The following FXN variants were observed in gnomAD, a reference collection of about 807,000 sequenced individuals.
FXN encodes the protein frataxin, mitochondrial.
In FXN, 14 loss-of-function variants were observed where a neutral mutation model predicts 22.4. That is an observed-to-expected ratio of 0.62 (90% confidence interval 0.41 to 0.98). FXN has a LOEUF of 0.98. Among genes scored for constraint, FXN ranks in the 50% least tolerant of loss-of-function variants. The pLI, the probability that FXN is intolerant of heterozygous loss-of-function variation, is 0.00. For synonymous variants in FXN, 120 were observed against 114.1 expected (o/e 1.05, Z -0.33); for missense variants, 267 against 268.4 (o/e 0.99, Z 0.04).
chr9:69,078,507 CT>C lies in FXN; in HGVS notation c.*5746del, dbSNP rs67054076. On this transcript the variant is annotated 3_prime_UTR_variant, in exon 5 of 5. Coordinates refer to ENST00000484259, the MANE Select transcript of FXN (RefSeq NM_000144.5). The stretch of plus-strand genomic sequence containing the variant: ...CAGGGTAAGCTTTCAGAAAGGCAAT[CT>C]CTTGTCTGTAAAACCTAAGCAGGAC... The C allele has an allele frequency of 1.1e-6, 1 of 937,182 alleles. No individual in the cohort carries two copies. Among genetic ancestry groups the C allele is most frequent in the Non-Finnish European group, 1.2e-6 (1 of 808,892 alleles). 58.1% of individuals were successfully genotyped at this position (937,182 alleles called of 1,614,324 possible).
Position 69,073,853 on chromosome 9 carries a change from G to C in FXN, c.*1091G>C. ...TATAGGAAACATTGTTATTGGTGTT[G>C]CCCTATCGTGATTTCAGTTGAATTC... is the stretch of plus-strand genomic sequence containing the variant. On this transcript the variant is annotated 3_prime_UTR_variant, in exon 5 of 5. Transcript: ENST00000484259. 1.0e-6 allele frequency: 1 copy of C among 985,350 alleles called. No homozygotes were observed. Among genetic ancestry groups the C allele is most frequent in the Non-Finnish European group, 1.2e-6 (1 of 829,890 alleles). 61.0% of individuals were successfully genotyped at this position (985,350 alleles called of 1,614,324 possible).
chr9:69,074,458 C>T lies in FXN; in HGVS notation c.*1696C>T, dbSNP rs1316871717. ...CTGAGACGGGAGAATTGCTTGACCCCAGGCGGAGGAGGTTACAGTGAGTCG... is the reference window on the plus strand; with the variant it reads ...CTGAGACGGGAGAATTGCTTGACCCTAGGCGGAGGAGGTTACAGTGAGTCG... On this transcript the variant is annotated 3_prime_UTR_variant, in exon 5 of 5. Coordinates refer to ENST00000484259, the MANE Select transcript of FXN (RefSeq NM_000144.5). 3 of 978,946 alleles carry T rather than the reference C, an allele frequency of 3.1e-6. No individual in the cohort carries two copies. Among genetic ancestry groups the T allele is most frequent in the South Asian group, 4.7e-5 (1 of 21,124 alleles). 60.6% of individuals were successfully genotyped at this position (978,946 alleles called of 1,614,324 possible).
In FXN at chr9:69,072,921, T is replaced by G. The variant is rs1172709430; in HGVS notation, c.*159T>G. ...GTGTCACAGCTCTGTAGAAAGAATG[T>G]GTTGCCTCCTACCTTGCCCCCAAGT... is the stretch of plus-strand genomic sequence containing the variant. On this transcript the variant is annotated 3_prime_UTR_variant, in exon 5 of 5. Transcript: ENST00000484259. The G allele has an allele frequency of 1.3e-6, 2 of 1,490,822 alleles. No homozygotes were observed. The highest frequency in any genetic ancestry group is 1.8e-6 in the Non-Finnish European group (2 of 1,127,172). The allele number at this position is 1,490,822 out of a possible 1,614,324, so 92.3% of individuals were successfully genotyped here. A position where few individuals can be genotyped will look rare whatever the true frequency, so the allele number is the denominator to read the frequency against.
At chr9:69,060,965 G>T (rs1049371568) in intron 3 of FXN, among the ~76,000 whole-genome samples, 6 of 152,202 alleles carry the variant, frequency 3.9e-5, no homozygotes, top group Non-Finnish European at 7.3e-5. Flanking sequence ...GAGGCAGGAA[G>T]CACCACGAGG....
chr9:69,042,713 A>G (rs1457259878), intron 1 of FXN, among the ~76,000 whole-genome samples: 1 of 152,182 alleles, frequency 6.6e-6, no homozygotes, highest in African/African-American at 2.4e-5. Context: ...CACAAACAAA[A>G]ACAGCTATTG....
intron 2 of FXN, among the ~76,000 whole-genome samples, chr9:69,052,854 C>G (rs1831878525): frequency 6.6e-6 from 1 of 151,612 alleles, no homozygotes; most frequent in Admixed American, 6.6e-5. Context: ...TAAATTTTTA[C>G]TTTGGGCCGG....
intron 2 of FXN, among the ~76,000 whole-genome samples, chr9:69,051,464 A>G (rs1462052458): frequency 6.6e-6 from 1 of 150,398 alleles, no homozygotes; most frequent in African/African-American, 2.5e-5. Context: ...TCTTTCTTTG[A>G]TATTATACAT....
chr9:69,068,396 T>C lies in FXN; in HGVS notation c.482+3361T>C, dbSNP rs533457862. 2.7e-3 allele frequency among the ~76,000 whole-genome samples: 418 copies of C among 152,246 alleles called. 3 individuals are homozygous for C. Among genetic ancestry groups the C allele is most frequent in the African/African-American group, 9.3e-3 (388 of 41,566 alleles). On this transcript the variant is annotated intron_variant, in intron 4 of 4. Coordinates refer to ENST00000484259, the MANE Select transcript of FXN (RefSeq NM_000144.5). ...CCCCAGCCCAACAGAAGTTCTACAA[T>C]GACTGATGGGCCCTTGTTTTTGTTT... is the stretch of plus-strand genomic sequence containing the variant.
At chr9:69,047,389 G>A (rs1564331412) in intron 2 of FXN, among the ~76,000 whole-genome samples, 1 of 151,858 alleles carries the variant, frequency 6.6e-6, no homozygotes, top group South Asian at 2.1e-4. Flanking sequence ...ACGATGGAGA[G>A]GGGCAGGATA....
At chr9:69,067,031 C>T (rs888431414) in intron 4 of FXN, among the ~76,000 whole-genome samples, 5 of 152,322 alleles carry the variant, frequency 3.3e-5, no homozygotes, top group East Asian at 1.9e-4. Flanking sequence ...TGGCCACCGC[C>T]GGATGGGAGT....
rs770484040 is a variant in FXN at position 69,046,500 on chromosome 9, C to G, written c.263+18C>G. 6.5e-7 allele frequency: 1 copy of G among 1,547,696 alleles called. No individual in the cohort carries two copies. The highest frequency in any genetic ancestry group is 2.2e-5 in the East Asian group (1 of 44,484). On this transcript the variant is annotated intron_variant, in intron 2 of 4. Transcript: ENST00000484259. ...CACCCAGGGTAAGATAAAACACCTT[C>G]CACGTCATAGGTATCTTCCTCTCTC...
intron 4 of FXN, among the ~76,000 whole-genome samples, chr9:69,067,029 G>T (rs1049798670): frequency 6.6e-6 from 1 of 152,210 alleles, no homozygotes. Context: ...AGTGGCCACC[G>T]CCGGATGGGA....
intron 3 of FXN, among the ~76,000 whole-genome samples, chr9:69,054,189 G>A (rs527247667): frequency 3.2e-4 from 49 of 152,074 alleles, no homozygotes; most frequent in Admixed American, 3.2e-3. Flanking sequence ...TAGTAAAGAC[G>A]GGGTTTCACC....
intron 2 of FXN, 43 bp downstream of exon 2, chr9:69,046,525 C>A (rs375947143): frequency 7.4e-7 from 1 of 1,344,700 alleles, no homozygotes; most frequent in African/African-American, 1.4e-5. Context: ...CTTCCTCTCT[C>A]CTTCCCTGCC....
At chr9:69,054,653 C>T (rs1317664424) in intron 3 of FXN, among the ~76,000 whole-genome samples, 2 of 152,106 alleles carry the variant, frequency 1.3e-5, no homozygotes, top group African/African-American at 4.8e-5. Context: ...ATTATAGGCA[C>T]ACGCCCCCAC....
At chr9:69,045,776 T>C (rs1831741569) in intron 1 of FXN, among the ~76,000 whole-genome samples, 1 of 151,340 alleles carries the variant, frequency 6.6e-6, no homozygotes, top group Non-Finnish European at 1.5e-5. Context: ...TCTTTAAAAG[T>C]GCTGCTTCCC....
intron 2 of FXN, among the ~76,000 whole-genome samples, chr9:69,048,780 C>CTA (rs1831803058): frequency 1.3e-5 from 2 of 152,188 alleles, no homozygotes; most frequent in Non-Finnish European, 2.9e-5. Flanking sequence ...GTCCCCAGAG[C>CTA]TATATGCTCA....
At chr9:69,064,390 A>C (rs1472214382) in intron 3 of FXN, among the ~76,000 whole-genome samples, 1 of 152,198 alleles carries the variant, frequency 6.6e-6, no homozygotes, top group Non-Finnish European at 1.5e-5. Flanking sequence ...AAAAAACTTC[A>C]TCTGGAGTTT....
chr9:69,041,263 T>C (rs1307832978), intron 1 of FXN, among the ~76,000 whole-genome samples: 1 of 152,230 alleles, frequency 6.6e-6, no homozygotes, highest in Non-Finnish European at 1.5e-5. Flanking sequence ...GGTATTCTGC[T>C]GTATCTGTTC....
Sources: gnomAD v4.1 joint callset for allele counts (sites outside exome capture counted in the v4.1 genomes callset) on GRCh38, gnomAD v4.1.1 for gene constraint, MANE v1.5 for transcripts, NCBI Gene and HGNC (gene_info 2026-07-23, HGNC 2026-07-21) for gene names.